FUT8: variants seen among roughly 807,000 people sequenced by gnomAD.
FUT8 encodes the protein fucosyltransferase 8.
FUT8 carries 29 observed loss-of-function variants against 71.3 expected under a neutral mutation model. The ratio of observed to expected loss-of-function variants is 0.41; its 90% confidence interval spans 0.30 to 0.55. The LOEUF (loss-of-function observed/expected upper bound fraction) is 0.55, where lower values mean the gene tolerates loss of function less well. Ranked by LOEUF, FUT8 falls within the 20% of genes least tolerant of loss-of-function variation. The pLI is 0.34. For synonymous variants in FUT8, 254 were observed against 239.3 expected, an observed-to-expected ratio of 1.06 and a Z score of -0.57; for missense variants, 544 against 702.1, an observed-to-expected ratio of 0.77 and a Z score of 2.55.
At chr14:65,681,322 T>C (rs1893024502) in intron 7 of FUT8, among the ~76,000 whole-genome samples, 1 of 152,208 alleles carries the variant, frequency 6.6e-6, no homozygotes, top group Admixed American at 6.5e-5. Flanking sequence ...CCTATGTTAT[T>C]CAAAGGTTTC....
At chr14:65,639,106 A>G (rs1167776747) in intron 6 of FUT8, among the ~76,000 whole-genome samples, 1 of 152,176 alleles carries the variant, frequency 6.6e-6, no homozygotes, top group East Asian at 1.9e-4. Context: ...GATAAAAAAA[A>G]AAATGAACAA....
the FUT8 span, among the ~76,000 whole-genome samples, chr14:65,377,149 G>A: frequency 6.6e-6 from 1 of 152,266 alleles, no homozygotes; most frequent in South Asian, 2.1e-4. Flanking sequence ...TTTTATCAGA[G>A]CATAGAGGAC....
intron 5 of FUT8, chr14:65,617,040 T>G: frequency 6.4e-7 from 1 of 1,553,440 alleles, no homozygotes; most frequent in South Asian, 1.2e-5. Flanking sequence ...ATAAATACAG[T>G]GAAACCTGTC....
intron 2 of FUT8, among the ~76,000 whole-genome samples, chr14:65,469,421 G>C (rs958668330): frequency 1.3e-5 from 2 of 152,172 alleles, no homozygotes; most frequent in African/African-American, 4.8e-5. Flanking sequence ...TGTGTTTAGT[G>C]TTTGTTCTGG....
chr14:65,524,969 G>A lies in FUT8; in HGVS notation c.-227-36368G>A, dbSNP rs568086333. Reference sequence around the variant, plus strand: ...AGCTTTTTGATGTGCTGCTGGATTCGGTTTGCCAGTATTTTATTGAGGAGT... The same window carrying A: ...AGCTTTTTGATGTGCTGCTGGATTCAGTTTGCCAGTATTTTATTGAGGAGT... On this transcript the variant is annotated intron_variant, in intron 2 of 10. Coordinates refer to ENST00000673929, the MANE Select transcript of FUT8 (RefSeq NM_001371533.1). Among the ~76,000 whole-genome samples, 514 of 152,204 alleles carry A rather than the reference G, an allele frequency of 3.4e-3. 4 individuals carry two copies. The highest frequency in any genetic ancestry group is 0.012 in the African/African-American group (496 of 41,528).
intron 5 of FUT8, among the ~76,000 whole-genome samples, chr14:65,621,287 G>A (rs1401552243): frequency 1.3e-5 from 2 of 150,840 alleles, no homozygotes; most frequent in Non-Finnish European, 2.9e-5. Context: ...GTCTCGCTCT[G>A]TTGCCAGGCT....
chr14:65,367,262 A>G, the FUT8 span, among the ~76,000 whole-genome samples: 1 of 152,314 alleles, frequency 6.6e-6, no homozygotes, highest in East Asian at 1.9e-4. Flanking sequence ...GGAGGATAAG[A>G]AAGTGGCATC....
chr14:65,575,199 A>C (rs1295981894), intron 3 of FUT8, among the ~76,000 whole-genome samples: 4 of 151,956 alleles, frequency 2.6e-5, no homozygotes, highest in Non-Finnish European at 5.9e-5. Context: ...CCATTACTTA[A>C]AAATCATTTA....
At chr14:65,381,558 G>T in the FUT8 span, among the ~76,000 whole-genome samples, 1 of 152,120 alleles carries the variant, frequency 6.6e-6, no homozygotes, top group African/African-American at 2.4e-5. Flanking sequence ...ACTATTCCGG[G>T]CCTCTTGACC....
chr14:65,592,235 GA>G (rs112343852), intron 3 of FUT8, among the ~76,000 whole-genome samples: 14 of 152,162 alleles, frequency 9.2e-5, no homozygotes, highest in African/African-American at 3.4e-4. Flanking sequence ...AGTAGTTCAT[GA>G]AAAAATGGTT....
chr14:65,650,351 G>C (rs1489400802), intron 6 of FUT8, among the ~76,000 whole-genome samples: 1 of 93,468 alleles, frequency 1.1e-5, no homozygotes, highest in Non-Finnish European at 2.3e-5. Flanking sequence ...AATTTATAAA[G>C]AAAGGAGGCC....
chr14:65,517,382 T>A (rs1006357334), intron 2 of FUT8, among the ~76,000 whole-genome samples: 3 of 152,148 alleles, frequency 2.0e-5, no homozygotes, highest in Non-Finnish European at 1.5e-5. Flanking sequence ...TTTAAAGAAT[T>A]TACAGTCTAA....
intron 1 of FUT8, among the ~76,000 whole-genome samples, chr14:65,453,780 A>G (rs2065860292): frequency 6.6e-6 from 1 of 151,774 alleles, no homozygotes; most frequent in African/African-American, 2.4e-5. Flanking sequence ...TATTTAGTTG[A>G]TGACTCAAGT....
At chr14:65,520,038 T>A (rs998767344) in intron 2 of FUT8, among the ~76,000 whole-genome samples, 1 of 152,126 alleles carries the variant, frequency 6.6e-6, no homozygotes, top group Non-Finnish European at 1.5e-5. Flanking sequence ...CTTGGCCTCC[T>A]AAAGTGCTGG....
the FUT8 span, among the ~76,000 whole-genome samples, chr14:65,386,489 G>A: frequency 4.8e-5 from 6 of 125,030 alleles, no homozygotes; most frequent in Non-Finnish European, 9.6e-5. Flanking sequence ...GGGCCACAGA[G>A]TGAGACCTCG....
intron 5 of FUT8, among the ~76,000 whole-genome samples, chr14:65,622,004 A>G (rs937856464): frequency 3.9e-5 from 6 of 152,032 alleles, no homozygotes; most frequent in Non-Finnish European, 5.9e-5. Context: ...TCATATTTTT[A>G]GTAGAGACGG....
At chr14:65,731,880 T>TG (rs994075329) in intron 9 of FUT8, among the ~76,000 whole-genome samples, 16 of 152,314 alleles carry the variant, frequency 1.1e-4, no homozygotes, top group African/African-American at 3.6e-4. Flanking sequence ...GGTAAATTGA[T>TG]CACTCCTTTG....
chr14:65,482,860 T>C (rs924083072), intron 2 of FUT8, among the ~76,000 whole-genome samples: 6 of 152,194 alleles, frequency 3.9e-5, no homozygotes, highest in African/African-American at 1.4e-4. Context: ...TTTTGCTTGT[T>C]CGTTTCTGTG....
At chr14:65,361,807 C>T in the FUT8 span, among the ~76,000 whole-genome samples, 63,082 of 135,034 alleles carry the variant, frequency 0.47, 13,778 homozygotes, top group South Asian at 0.53. Flanking sequence ...AACAAACAAA[C>T]AAATAAATAA....
Sources: allele counts gnomAD v4.1 joint callset (sites outside exome capture counted in the v4.1 genomes callset), GRCh38; gene constraint gnomAD v4.1.1; transcripts MANE v1.5; gene names NCBI Gene and HGNC (gene_info 2026-07-23, HGNC 2026-07-21).